UBAP2: variants seen among roughly 807,000 people sequenced by gnomAD.
UBAP2 encodes the protein ubiquitin associated protein 2.
Under a neutral mutation model 139.6 loss-of-function variants are expected in UBAP2, and 75 were observed. That is an observed-to-expected ratio of 0.54 (90% CI 0.45 to 0.65). The LOEUF (loss-of-function observed/expected upper bound fraction) is 0.65. Among genes scored for constraint, UBAP2 ranks in the 30% least tolerant of loss-of-function variants. The pLI is 0.00. For missense variants in UBAP2, 1,368 were observed against 1,369.6 expected (o/e 1.00, Z 0.02); for synonymous variants, 526 against 526.2 (o/e 1.00, Z 0.01).
intron 1 of UBAP2, among the ~76,000 whole-genome samples, chr9:34,018,197 C>T (rs1409671280): frequency 5.4e-5 from 8 of 149,466 alleles, no homozygotes; most frequent in Non-Finnish European, 1.0e-4. Flanking sequence ...CATAAGATTC[C>T]TACTTCCTAC....
At position 34,033,518 on chromosome 9, in the gene UBAP2, TA is replaced by T. The variant is rs1211135601; in HGVS notation, c.-42+15306del. Among the ~76,000 whole-genome samples, 3 of 151,876 alleles carry T rather than the reference TA, an allele frequency of 2.0e-5. No homozygotes were observed. In the East Asian group the frequency reaches 5.8e-4, roughly 29 times the overall value. On this transcript the variant is annotated intron_variant, in intron 1 of 28. Transcript: ENST00000379238. ...TAGGGATGGTTATTGAGTACAAAAA[TA>T]ATAAGACCCACTATTTGATAGCACA...
At chr9:33,951,896 T>C (rs1001051686) in intron 12 of UBAP2, among the ~76,000 whole-genome samples, 2 of 152,138 alleles carry the variant, frequency 1.3e-5, no homozygotes, top group African/African-American at 4.8e-5. Context: ...GAAAAGACTC[T>C]GGTGCGTCAA....
chr9:33,927,420 G>A (rs182392157), intron 20 of UBAP2, among the ~76,000 whole-genome samples: 15 of 152,272 alleles, frequency 9.9e-5, no homozygotes, highest in South Asian at 4.1e-4. Flanking sequence ...GCCAGGAGAG[G>A]GACAGGCTGA....
chr9:33,958,313 A>G (rs1826736869), intron 10 of UBAP2, among the ~76,000 whole-genome samples: 1 of 152,072 alleles, frequency 6.6e-6, no homozygotes, highest in Non-Finnish European at 1.5e-5. Context: ...CCTGAAACTT[A>G]CAAATTAAAT....
intron 2 of UBAP2, among the ~76,000 whole-genome samples, chr9:33,999,486 G>C (rs1403430715): frequency 6.6e-6 from 1 of 152,124 alleles, no homozygotes; most frequent in Non-Finnish European, 1.5e-5. Context: ...AGGTATGCTG[G>C]TCAGTTCTGA....
chr9:33,946,007 C>T (rs997752834), intron 13 of UBAP2, among the ~76,000 whole-genome samples: 1 of 152,340 alleles, frequency 6.6e-6, no homozygotes, highest in African/African-American at 2.4e-5. Flanking sequence ...TATAAAATTA[C>T]TGTCCACAGA....
At chr9:33,951,930 G>A (rs2130968707) in intron 12 of UBAP2, among the ~76,000 whole-genome samples, 1 of 152,190 alleles carries the variant, frequency 6.6e-6, no homozygotes, top group South Asian at 2.1e-4. Flanking sequence ...TTTTTATTAG[G>A]CCTTCTCAAA....
At chr9:34,010,733 T>C (rs1823689746) in intron 2 of UBAP2, among the ~76,000 whole-genome samples, 1 of 152,080 alleles carries the variant, frequency 6.6e-6, no homozygotes, top group African/African-American at 2.4e-5. Context: ...CTTGGGGTGG[T>C]AGATGTGTTA....
chr9:33,950,318 G>A lies in UBAP2; in HGVS notation c.1057-1731C>T, dbSNP rs1825996699. On this transcript the variant is annotated intron_variant, in intron 12 of 28. Coordinates refer to ENST00000379238, the MANE Select transcript of UBAP2 (RefSeq NM_001370062.2). ...CATCTCCTGACCTTGTGATCCACCTGCCTCAGCCTCCCAAAGTGCTGGGAT... is the reference window on the plus strand; with the variant it reads ...CATCTCCTGACCTTGTGATCCACCTACCTCAGCCTCCCAAAGTGCTGGGAT... Among the ~76,000 whole-genome samples the A allele has an allele frequency of 5.3e-5, 8 of 152,208 alleles. 1 individual carries two copies. In the South Asian group the frequency reaches 1.7e-3, roughly 32 times the overall value.
chr9:34,012,792 G>A (rs1033267614), intron 2 of UBAP2, among the ~76,000 whole-genome samples: 3 of 151,696 alleles, frequency 2.0e-5, no homozygotes, highest in Admixed American at 6.6e-5. Context: ...AGGGTATTCA[G>A]TAATTATTCA....
At chr9:33,993,693 T>A (rs1194518165) in intron 4 of UBAP2, among the ~76,000 whole-genome samples, 1 of 151,936 alleles carries the variant, frequency 6.6e-6, no homozygotes, top group African/African-American at 2.4e-5. Context: ...ACCAAACAAC[T>A]AAAACAAAGA....
intron 17 of UBAP2, among the ~76,000 whole-genome samples, chr9:33,934,635 T>C (rs1163102787): frequency 2.0e-5 from 3 of 152,262 alleles, no homozygotes; most frequent in East Asian, 1.9e-4. Context: ...CCTTGTATTA[T>C]GATGCTAACA....
At chr9:33,961,674 T>C (rs1445838254) in intron 9 of UBAP2, among the ~76,000 whole-genome samples, 1 of 152,222 alleles carries the variant, frequency 6.6e-6, no homozygotes, top group Non-Finnish European at 1.5e-5. Flanking sequence ...GGATTATGGA[T>C]GTTTTCAGTT....
chr9:34,032,369 C>T (rs1403484940), intron 1 of UBAP2, among the ~76,000 whole-genome samples: 1 of 152,142 alleles, frequency 6.6e-6, no homozygotes, highest in Non-Finnish European at 1.5e-5. Flanking sequence ...TCTTTATACA[C>T]TCACACTCCC....
chr9:34,001,623 G>C (rs925117299), intron 2 of UBAP2, among the ~76,000 whole-genome samples: 3 of 152,194 alleles, frequency 2.0e-5, no homozygotes, highest in African/African-American at 7.2e-5. Flanking sequence ...TCTAAATTTA[G>C]TTGGGTATGA....
rs1410761498 is a variant in UBAP2 at position 34,048,871 on chromosome 9, T to A, written c.-88A>T. ...CAAGACCCGCTGCCGCCGCCGCCGC[T>A]CGTTACCTGCCAATGTGCCTCTTAC... On this transcript the variant is annotated 5_prime_UTR_variant, in exon 1 of 29. Transcript: ENST00000379238. The A allele has an allele frequency of 6.6e-6, 1 of 151,932 alleles. No homozygotes were observed. Among genetic ancestry groups the A allele is most frequent in the Non-Finnish European group, 1.5e-5 (1 of 68,010 alleles). The allele number at this position is 151,932 out of a possible 1,614,324, so 9.4% of individuals were successfully genotyped here.
chr9:33,978,218 G>A (rs1564041909), intron 6 of UBAP2, among the ~76,000 whole-genome samples: 4 of 151,896 alleles, frequency 2.6e-5, no homozygotes, highest in African/African-American at 4.8e-5. Context: ...GACTCCCAAA[G>A]AAGGTACTAC....
rs1384397359 is a variant in UBAP2, at chr9:33,921,851, T to C, written c.*653A>G. 6.6e-6 allele frequency: 1 copy of C among 152,504 alleles called. No homozygotes were observed. The highest frequency in any genetic ancestry group is 6.5e-5 in the Admixed American group (1 of 15,276). 9.4% of individuals were successfully genotyped at this position (152,504 alleles called of 1,614,324 possible). A position where few individuals can be genotyped will look rare whatever the true frequency, so the allele number is the denominator to read the frequency against. On this transcript the variant is annotated 3_prime_UTR_variant, in exon 29 of 29. Coordinates refer to ENST00000379238, the MANE Select transcript of UBAP2 (RefSeq NM_001370062.2). ...TGGCTGAATAACTCAGATTATTTTT[T>C]TTTTTTTCATGGTCAGCCAGTCTCT...
At chr9:33,924,478 A>C (rs1371298399) in intron 22 of UBAP2, among the ~76,000 whole-genome samples, 194 bp from the exon 23 acceptor site, 1 of 152,144 alleles carries the variant, frequency 6.6e-6, no homozygotes, top group African/African-American at 2.4e-5. Flanking sequence ...CTAACACATA[A>C]GCACACAGAC....
Sources: allele counts gnomAD v4.1 joint callset (sites outside exome capture counted in the v4.1 genomes callset), GRCh38; gene constraint gnomAD v4.1.1; transcripts MANE v1.5; gene names NCBI Gene and HGNC (gene_info 2026-07-23, HGNC 2026-07-21).